TSC22D1: variants seen among roughly 807,000 people sequenced by gnomAD.
TSC22D1 encodes TSC22 domain family protein 1.
Under a neutral mutation model 74.2 loss-of-function variants are expected in TSC22D1, and 9 were observed. That is an observed-to-expected ratio of 0.12 (90% CI 0.07 to 0.21). The LOEUF is 0.21. TSC22D1 is among the 10% of genes least tolerant of loss of function. TSC22D1 has a pLI of 1.00. For synonymous variants in TSC22D1, 586 were observed against 492.5 expected, an observed-to-expected ratio of 1.19 and a Z score of -2.51; for missense variants, 1,427 against 1,304.7, an observed-to-expected ratio of 1.09 and a Z score of -1.44.
At chr13:44,536,773 T>C (rs1207019746) in intron 1 of TSC22D1, 1 of 984,510 alleles carries the variant, frequency 1.0e-6, no homozygotes, top group Non-Finnish European at 1.2e-6. Flanking sequence ...GGTACAAAAA[T>C]TGCATCTAAA....
chr13:44,448,263 T>C (rs1875843955), intron 1 of TSC22D1, among the ~76,000 whole-genome samples: 2 of 152,186 alleles, frequency 1.3e-5, no homozygotes, highest in Non-Finnish European at 2.9e-5. Context: ...TGAGCACTTT[T>C]TAAAAATAAC....
chr13:44,466,586 T>C (rs889216090), intron 1 of TSC22D1, among the ~76,000 whole-genome samples: 1 of 147,846 alleles, frequency 6.8e-6, no homozygotes, highest in Non-Finnish European at 1.5e-5. Context: ...CTGGACAACA[T>C]AGTGAAATCT....
At chr13:44,474,431 G>A (rs1421815289) in intron 1 of TSC22D1, 2 of 166,380 alleles carry the variant, frequency 1.2e-5, no homozygotes, top group African/African-American at 4.8e-5. Context: ...ACTTCAAAGA[G>A]AACAAAAATA....
intron 1 of TSC22D1, among the ~76,000 whole-genome samples, chr13:44,447,893 GGA>G (rs1252930421): frequency 3.4e-5 from 5 of 148,766 alleles, no homozygotes; most frequent in South Asian, 2.1e-4. Context: ...TACTGCAATG[GGA>G]GAGAGAGATG....
intron 1 of TSC22D1, among the ~76,000 whole-genome samples, chr13:44,501,950 A>G (rs867598692): frequency 6.6e-6 from 1 of 152,350 alleles, no homozygotes; most frequent in Middle Eastern, 3.4e-3. Context: ...ACCAAGTGAA[A>G]TAATTTGTCT....
At chr13:44,571,042 A>G (rs1448337047) in intron 1 of TSC22D1, among the ~76,000 whole-genome samples, 1 of 152,240 alleles carries the variant, frequency 6.6e-6, no homozygotes, top group Admixed American at 6.5e-5. Flanking sequence ...AGATACCGCT[A>G]AAACAAAAAT....
At chr13:44,473,783 ACAT>A (rs1338620752) in intron 1 of TSC22D1, among the ~76,000 whole-genome samples, 1 of 152,196 alleles carries the variant, frequency 6.6e-6, no homozygotes, top group East Asian at 1.9e-4. Flanking sequence ...AGTACAGCTA[ACAT>A]CATCTTTAAT....
chr13:44,446,802 A>AG (rs775207097), intron 1 of TSC22D1, among the ~76,000 whole-genome samples: 48,488 of 124,826 alleles, frequency 0.39, 8,950 homozygotes, highest in Non-Finnish European at 0.44. Flanking sequence ...AGGAGGAGGA[A>AG]AAGGAGGAGG....
chr13:44,504,667 C>T (rs1879367131), intron 1 of TSC22D1, among the ~76,000 whole-genome samples: 2 of 151,886 alleles, frequency 1.3e-5, no homozygotes, highest in Admixed American at 6.6e-5. Flanking sequence ...AAATGTCTGC[C>T]CCAATGATAA....
intron 1 of TSC22D1, among the ~76,000 whole-genome samples, chr13:44,533,737 T>C (rs1344383507): frequency 2.0e-5 from 3 of 152,116 alleles, no homozygotes; most frequent in Non-Finnish European, 4.4e-5. Flanking sequence ...GAGCTGAGGT[T>C]GCCCCATGGC....
intron 1 of TSC22D1, among the ~76,000 whole-genome samples, chr13:44,529,166 T>C (rs1195408441): frequency 6.6e-6 from 1 of 152,054 alleles, no homozygotes; most frequent in Non-Finnish European, 1.5e-5. Context: ...TTAATATTGA[T>C]GCAAAAATCC....
At chr13:44,473,509 T>A (rs1392775717) in intron 1 of TSC22D1, among the ~76,000 whole-genome samples, 2 of 151,734 alleles carry the variant, frequency 1.3e-5, no homozygotes, top group East Asian at 1.9e-4. Flanking sequence ...AAATAAAAAA[T>A]AAATAAATAA....
rs756814793 is a variant in TSC22D1 at position 44,573,832 on chromosome 13, T to C, written c.2243A>G (p.Gln748Arg). The change falls in exon 1 of 3, where the codon CAG becomes CGG. Residue 748 changes from glutamine to arginine, a missense_variant. Physicochemically the swap from Gln to Arg is conservative, Grantham distance 43. Around this residue, in one of 3 missense-constraint regions of TSC22D1, gnomAD observed 1,343 missense variants for 1,191.5 expected, o/e 1.13. Coordinates refer to ENST00000458659, the MANE Select transcript of TSC22D1 (RefSeq NM_183422.4). ...IPTAVQQPST[Q>R]VPPSVIQQGA... ...CTGCTGAATAACTGAAGGTGGAACCTGGGTAGAGGGCTGCTGCACTGCAGT... is the reference window on the plus strand; with the variant it reads ...CTGCTGAATAACTGAAGGTGGAACCCGGGTAGAGGGCTGCTGCACTGCAGT... The C allele has an allele frequency of 6.8e-6, 11 of 1,614,188 alleles. No individual in the cohort carries two copies. Among genetic ancestry groups the C allele is most frequent in the Non-Finnish European group, 9.3e-6 (11 of 1,180,020 alleles).
chr13:44,516,327 C>A, intron 1 of TSC22D1: 1 of 478,218 alleles, frequency 2.1e-6, no homozygotes, highest in East Asian at 6.1e-5. Flanking sequence ...GGTTACCTCC[C>A]TCTAATTCTG....
rs552325717 is a variant in TSC22D1 at position 44,459,805 on chromosome 13, G to A, written c.2913-23710C>T. ...GCCTTGCACAGAGCCGGCGCCTAGA[G>A]CTGCCTACCCCGCTGCAGCCAGCAC... On this transcript the variant is annotated intron_variant, in intron 1 of 2. Transcript: ENST00000458659. Among the ~76,000 whole-genome samples the A allele has an allele frequency of 1.8e-4, 27 of 152,348 alleles. No individual in the cohort carries two copies. In the East Asian group the frequency reaches 4.8e-3, roughly 27 times the overall value.
intron 1 of TSC22D1, among the ~76,000 whole-genome samples, chr13:44,494,048 C>T (rs771290696): frequency 4.0e-5 from 6 of 151,888 alleles, no homozygotes; most frequent in Non-Finnish European, 7.4e-5. Context: ...CTGGGCAACA[C>T]AGCACGACAT....
At position 44,576,049 on chromosome 13, in the gene TSC22D1, G is replaced by C; in HGVS notation, c.26C>G (p.Ala9Gly). The stretch of plus-strand genomic sequence containing the variant: ...AATGTCTGCAGCGGCGGCGGCCGCG[G>C]CGGTGGACTCAGGCGGCTGGTGCAT... Reference protein sequence around the residue: MHQPPESTAAAAAAADISA... With the variant: MHQPPESTGAAAAAADISA... The change falls in exon 1 of 3, where the codon GCC becomes GGC. Residue 9 changes from alanine (A) to glycine (G), a missense_variant. Ala to Gly is a moderately conservative substitution (Grantham distance 60). Transcript: ENST00000458659. 1 of 1,569,518 alleles carries C rather than the reference G, an allele frequency of 6.4e-7. No individual in the cohort carries two copies. Among genetic ancestry groups the C allele is most frequent in the Non-Finnish European group, 8.6e-7 (1 of 1,159,874 alleles).
chr13:44,434,634 T>C lies in TSC22D1; in HGVS notation c.3214A>G (p.Thr1072Ala). 6.5e-7 allele frequency: 1 copy of C among 1,534,894 alleles called. No homozygotes were observed. The highest frequency in any genetic ancestry group is 8.7e-7 in the Non-Finnish European group (1 of 1,144,666). ...TGCGGGGGCATAGGCAGCTATGCGG[T>C]TGGTCCTGAGCCCTGCGATGCTGGC... is the stretch of plus-strand genomic sequence containing the variant. ...AQPASQGSGP[T>A]A The change falls in exon 3 of 3, where the codon ACC (threonine) becomes GCC (alanine). Residue 1072 changes from threonine to alanine, a missense_variant. Thr to Ala is a moderately conservative substitution (Grantham distance 58). This residue lies in a region of TSC22D1 where 63 missense variants were observed against 50.5 expected (regional missense o/e 1.25). Transcript: ENST00000458659.
At chr13:44,571,541 G>GT (rs1477166657) in intron 1 of TSC22D1, among the ~76,000 whole-genome samples, 1 of 152,090 alleles carries the variant, frequency 6.6e-6, no homozygotes, top group African/African-American at 2.4e-5. Context: ...TTTTGTTTGT[G>GT]TATTTTACCC....
Sources: gnomAD v4.1 joint callset for allele counts (sites outside exome capture counted in the v4.1 genomes callset) on GRCh38, gnomAD v4.1.1 for gene constraint, gnomAD v4.1.1 regional missense constraint, MANE v1.5 for transcripts, NCBI Gene and HGNC (gene_info 2026-07-23, HGNC 2026-07-21) for gene names.